Variants in TENM2 observed in about 807,000 individuals in gnomAD.
TENM2 encodes the protein teneurin-2.
A neutral mutation model predicts 245.2 loss-of-function variants in TENM2; 52 were observed. That is an observed-to-expected ratio of 0.21 (90% CI 0.17 to 0.27). The LOEUF is 0.27. Ranked by LOEUF, TENM2 falls within the 10% of genes least tolerant of loss-of-function variation. TENM2 has a pLI of 1.00. For missense variants in TENM2, 3,046 were observed against 3,666.8 expected, an observed-to-expected ratio of 0.83 and a Z score of 4.37; for synonymous variants, 1,363 against 1,438.9, an observed-to-expected ratio of 0.95 and a Z score of 1.19.
chr5:167,740,413 C>T (rs1198837086), intron 2 of TENM2, among the ~76,000 whole-genome samples: 1 of 152,136 alleles, frequency 6.6e-6, no homozygotes, highest in Non-Finnish European at 1.5e-5. Context: ...GAATGCTTCT[C>T]TTGTGTGTTT....
At chr5:167,698,155 G>T (rs1208665686) in intron 2 of TENM2, among the ~76,000 whole-genome samples, 1 of 152,080 alleles carries the variant, frequency 6.6e-6, no homozygotes, top group African/African-American at 2.4e-5. Flanking sequence ...GCCTCTATGT[G>T]CAGTAACTTG....
intron 2 of TENM2, among the ~76,000 whole-genome samples, chr5:167,460,906 G>GA (rs1766255311): frequency 6.6e-6 from 1 of 152,092 alleles, no homozygotes; most frequent in Admixed American, 6.5e-5. Flanking sequence ...CTATTAAAAT[G>GA]AACTGCAGTT....
At chr5:167,495,680 G>C (rs375411788) in intron 2 of TENM2, among the ~76,000 whole-genome samples, 1 of 151,874 alleles carries the variant, frequency 6.6e-6, no homozygotes, top group Non-Finnish European at 1.5e-5. Flanking sequence ...TTTTTTAGAG[G>C]ACCAGTATCT....
chr5:167,190,730 C>G, the TENM2 span, among the ~76,000 whole-genome samples: 1 of 152,026 alleles, frequency 6.6e-6, no homozygotes, highest in African/African-American at 2.4e-5. Flanking sequence ...CTATGCTTTT[C>G]TTTTCTACAC....
the TENM2 span, among the ~76,000 whole-genome samples, chr5:167,115,455 G>A: frequency 6.6e-6 from 1 of 152,120 alleles, no homozygotes; most frequent in Non-Finnish European, 1.5e-5. Flanking sequence ...GTCCCTCAGG[G>A]CCTCATCATT....
intron 2 of TENM2, among the ~76,000 whole-genome samples, chr5:167,598,943 C>T (rs1049183577): frequency 4.6e-5 from 7 of 152,106 alleles, no homozygotes; most frequent in Non-Finnish European, 1.0e-4. Flanking sequence ...TGAGCAACTG[C>T]GCTCTCCTAG....
At chr5:167,222,522 A>G in the TENM2 span, among the ~76,000 whole-genome samples, 24 of 152,314 alleles carry the variant, frequency 1.6e-4, no homozygotes, top group South Asian at 4.6e-3. Context: ...GTTAGATACA[A>G]TGACTTAGAG....
intron 3 of TENM2, among the ~76,000 whole-genome samples, chr5:167,930,840 A>G (rs1219518684): frequency 6.6e-6 from 1 of 152,164 alleles, no homozygotes; most frequent in Non-Finnish European, 1.5e-5. Flanking sequence ...AATGACATTT[A>G]AACTAGCCCC....
At chr5:167,973,899 GA>G (rs1781993177) in intron 4 of TENM2, among the ~76,000 whole-genome samples, 1 of 151,514 alleles carries the variant, frequency 6.6e-6, no homozygotes, top group African/African-American at 2.4e-5. Context: ...GTTACGGTTA[GA>G]TTTGCCATGA....
chr5:168,214,736 C>T, intron 20 of TENM2: 1 of 490,790 alleles, frequency 2.0e-6, no homozygotes, highest in South Asian at 1.6e-5. Flanking sequence ...TCTTGAATAA[C>T]TATCCTGCTT....
At chr5:167,767,271 T>G (rs1330794139) in intron 2 of TENM2, among the ~76,000 whole-genome samples, 5 of 152,224 alleles carry the variant, frequency 3.3e-5, no homozygotes, top group African/African-American at 1.2e-4. Flanking sequence ...CTTGACGATA[T>G]TATGCCAATT....
In TENM2 at chr5:168,162,687, C is replaced by T. The variant is rs762772345; in HGVS notation, c.2499C>T (p.Thr833=). 9 of 1,613,888 alleles carry T rather than the reference C, an allele frequency of 5.6e-6. No homozygotes were observed. The East Asian group carries it at 6.7e-5, about 12-fold the overall frequency. The stretch of plus-strand genomic sequence containing the variant: ...ACAGCTGGCAGTGTGTCTGCCAGAC[C>T]GGCTGGAGAGGGCCCGGATGCAACG... Residue 833 remains threonine (T), a synonymous_variant, in exon 13 of 29, where the codon ACC becomes ACT. Coordinates refer to ENST00000518659, the Ensembl canonical transcript of TENM2.
Position 167,580,327 on chromosome 5 carries a change from T to C in TENM2, c.502+204854T>C, listed in dbSNP as rs139269134. Among the ~76,000 whole-genome samples, 75 of 152,342 alleles carry C rather than the reference T, an allele frequency of 4.9e-4. 1 individual carries two copies. Among genetic ancestry groups the C allele is most frequent in the African/African-American group, 1.7e-3 (72 of 41,578 alleles). ...TTTGTAACTATTCACTAAAGTCGAC[T>C]GGATAAATTTAAATTTGGGGGGACA... On this transcript the variant is annotated intron_variant, in intron 2 of 28. Transcript: ENST00000518659.
upstream of TENM2, among the ~76,000 whole-genome samples, chr5:167,279,889 G>A (rs1770951853): frequency 6.6e-6 from 1 of 152,092 alleles, no homozygotes; most frequent in Non-Finnish European, 1.5e-5. Context: ...TGTCATCTCA[G>A]CGTTGGCATC....
intron 2 of TENM2, among the ~76,000 whole-genome samples, chr5:167,586,645 A>T (rs1277149222): frequency 3.9e-5 from 6 of 152,206 alleles, no homozygotes; most frequent in Admixed American, 3.9e-4. Context: ...TTATTCTTGA[A>T]TAAGAAAATA....
intron 2 of TENM2, among the ~76,000 whole-genome samples, chr5:167,818,659 A>G (rs1767258118): frequency 6.6e-6 from 1 of 152,052 alleles, no homozygotes; most frequent in South Asian, 2.1e-4. Context: ...GTCCCAAGGG[A>G]TCTTTGCTGA....
At position 168,023,855 on chromosome 5, in the gene TENM2, A is replaced by G. The variant is rs79093901; in HGVS notation, c.1187-23572A>G. Among the ~76,000 whole-genome samples the G allele has an allele frequency of 6.3e-3, 954 of 152,312 alleles. 16 individuals carry two copies. Among genetic ancestry groups the G allele is most frequent in the African/African-American group, 0.022 (906 of 41,554 alleles). On this transcript the variant is annotated intron_variant, in intron 5 of 28. Coordinates refer to ENST00000518659, the Ensembl canonical transcript of TENM2. Reference sequence around the variant, plus strand: ...GTTTATGTGGAAAGGCGATTCTGCTAGGGATTTTAAGAGAAGACCATTCTC... The same window carrying G: ...GTTTATGTGGAAAGGCGATTCTGCTGGGGATTTTAAGAGAAGACCATTCTC...
chr5:168,122,291 C>G (rs983782557), intron 10 of TENM2, among the ~76,000 whole-genome samples: 11 of 152,258 alleles, frequency 7.2e-5, no homozygotes, highest in African/African-American at 2.7e-4. Flanking sequence ...ATACTCCTGC[C>G]TCAGCCTCCC....
At chr5:167,228,613 C>A in the TENM2 span, among the ~76,000 whole-genome samples, 1 of 149,634 alleles carries the variant, frequency 6.7e-6, no homozygotes, top group African/African-American at 2.5e-5. Flanking sequence ...GAATTGTGTT[C>A]TCTTAGAGGT....
Sources: allele counts gnomAD v4.1 joint callset (sites outside exome capture counted in the v4.1 genomes callset), GRCh38; gene constraint gnomAD v4.1.1; transcripts MANE v1.5; gene names NCBI Gene and HGNC (gene_info 2026-07-23, HGNC 2026-07-21).